The following ADGRL3 variants were observed in gnomAD, a reference collection of about 807,000 sequenced individuals.
ADGRL3 encodes the protein calcium-independent alpha-latrotoxin receptor 3.
Under a neutral mutation model 153.5 loss-of-function variants are expected in ADGRL3, and 62 were observed. That is an observed-to-expected ratio of 0.40 (90% CI 0.33 to 0.50). The LOEUF is 0.50. ADGRL3 is among the 20% of genes least tolerant of loss of function. ADGRL3 has a pLI of 0.47. For synonymous variants in ADGRL3, 710 were observed against 672.5 expected, an observed-to-expected ratio of 1.06 and a Z score of -0.86; for missense variants, 1,641 against 1,859.4, an observed-to-expected ratio of 0.88 and a Z score of 2.16.
chr4:61,394,902 A>G (rs1268911156), intron 2 of ADGRL3, among the ~76,000 whole-genome samples: 2 of 152,074 alleles, frequency 1.3e-5, no homozygotes, highest in Non-Finnish European at 2.9e-5. Context: ...ACTTGGGTAT[A>G]ATGTATGTAT....
intron 21 of ADGRL3, among the ~76,000 whole-genome samples, chr4:62,013,206 G>A (rs897234312): frequency 6.6e-6 from 1 of 152,084 alleles, no homozygotes. Flanking sequence ...AAGTATGATT[G>A]GCCTTCAGAT....
chr4:61,527,983 T>G (rs918924105), intron 4 of ADGRL3, among the ~76,000 whole-genome samples: 9 of 152,100 alleles, frequency 5.9e-5, no homozygotes, highest in African/African-American at 2.2e-4. Flanking sequence ...TTGTTGTCAT[T>G]CTAACCTCCA....
chr4:61,341,027 G>A (rs2095798245), intron 1 of ADGRL3, among the ~76,000 whole-genome samples: 1 of 151,832 alleles, frequency 6.6e-6, no homozygotes, highest in South Asian at 2.1e-4. Flanking sequence ...TATCAGTATT[G>A]TGATAGTCTA....
intron 1 of ADGRL3, among the ~76,000 whole-genome samples, chr4:61,382,242 A>C (rs1040870424): frequency 6.6e-6 from 1 of 151,556 alleles, no homozygotes; most frequent in African/African-American, 2.4e-5. Flanking sequence ...TAATAGCATA[A>C]ATAAATACTA....
chr4:61,497,166 C>CT lies in ADGRL3; in HGVS notation c.-123dup, dbSNP rs2098329142. ...GTGTTTCTGTTTTGGAGAAATTATT[C>CT]TTTTTCTTTTTAATTTGAAGAAAAA... is the stretch of plus-strand genomic sequence containing the variant. On this transcript the variant is annotated 5_prime_UTR_variant, in exon 3 of 27. Coordinates refer to ENST00000683033, the MANE Select transcript of ADGRL3 (RefSeq NM_001387552.1). The CT allele has an allele frequency of 8.8e-6, 5 of 565,528 alleles. No individual in the cohort carries two copies. The highest frequency in any genetic ancestry group is 1.5e-5 in the Non-Finnish European group (5 of 328,876). 35.0% of individuals were successfully genotyped at this position (565,528 alleles called of 1,614,324 possible).
intron 1 of ADGRL3, among the ~76,000 whole-genome samples, chr4:61,318,353 A>G (rs181641172): frequency 6.6e-6 from 1 of 152,208 alleles, no homozygotes; most frequent in African/African-American, 2.4e-5. Context: ...TCAAGATATG[A>G]ATTTTAGCTC....
intron 4 of ADGRL3, among the ~76,000 whole-genome samples, chr4:61,563,033 G>A (rs573043944): frequency 6.6e-6 from 1 of 151,600 alleles, no homozygotes; most frequent in South Asian, 2.1e-4. Context: ...AATCATCAGA[G>A]GATTCACTAT....
intron 2 of ADGRL3, among the ~76,000 whole-genome samples, chr4:61,432,591 T>C (rs1377043186): frequency 2.5e-4 from 3 of 12,114 alleles, no homozygotes; most frequent in South Asian, 9.0e-3. Context: ...TCTTTCTTTC[T>C]TTCTTTCTTT....
chr4:61,572,056 ACT>A (rs2098841235), intron 4 of ADGRL3, among the ~76,000 whole-genome samples: 1 of 152,162 alleles, frequency 6.6e-6, no homozygotes, highest in South Asian at 2.1e-4. Flanking sequence ...TCCCAAATGA[ACT>A]GTTTGTATGT....
At chr4:61,542,641 T>C (rs971247800) in intron 4 of ADGRL3, among the ~76,000 whole-genome samples, 2 of 152,214 alleles carry the variant, frequency 1.3e-5, no homozygotes, top group African/African-American at 4.8e-5. Context: ...AAAGTGTTTA[T>C]AGCAGTTGCT....
chr4:61,393,330 G>T (rs1372582772), intron 2 of ADGRL3, among the ~76,000 whole-genome samples: 1 of 152,032 alleles, frequency 6.6e-6, no homozygotes, highest in East Asian at 1.9e-4. Context: ...AACAGTTTTG[G>T]TGCCTGACAG....
At chr4:61,367,222 C>T (rs900660513) in intron 1 of ADGRL3, among the ~76,000 whole-genome samples, 1 of 151,372 alleles carries the variant, frequency 6.6e-6, no homozygotes, top group Non-Finnish European at 1.5e-5. Flanking sequence ...TTTTTTAAAA[C>T]TGTCGCTTTT....
At chr4:62,022,771 A>G (rs1425300110) in intron 21 of ADGRL3, among the ~76,000 whole-genome samples, 1 of 151,436 alleles carries the variant, frequency 6.6e-6, no homozygotes, top group Non-Finnish European at 1.5e-5. Context: ...CTTTAAGCCC[A>G]TGTTGAGACC....
intron 4 of ADGRL3, among the ~76,000 whole-genome samples, chr4:61,581,806 C>T (rs2098926778): frequency 2.6e-5 from 4 of 152,086 alleles, no homozygotes; most frequent in Admixed American, 2.6e-4. Flanking sequence ...CACTCTCTCC[C>T]TTACCTTACA....
chr4:61,857,790 GC>G (rs2098294912), intron 9 of ADGRL3, among the ~76,000 whole-genome samples: 1 of 151,696 alleles, frequency 6.6e-6, no homozygotes, highest in Non-Finnish European at 1.5e-5. Flanking sequence ...GTGCAGTGGT[GC>G]ATTCATAGTT....
intron 6 of ADGRL3, among the ~76,000 whole-genome samples, chr4:61,708,768 T>A (rs1297009436): frequency 2.0e-5 from 3 of 152,106 alleles, no homozygotes; most frequent in African/African-American, 7.2e-5. Context: ...AAAGGTCTCC[T>A]GTTCCATTCT....
intron 1 of ADGRL3, among the ~76,000 whole-genome samples, chr4:61,253,509 C>T (rs2091659624): frequency 1.3e-5 from 2 of 151,922 alleles, no homozygotes; most frequent in South Asian, 4.1e-4. Context: ...GTCTTTGTAC[C>T]AAAGACTTAC....
chr4:61,642,759 A>T (rs1465705621), intron 5 of ADGRL3, among the ~76,000 whole-genome samples: 13 of 152,110 alleles, frequency 8.5e-5, no homozygotes, highest in East Asian at 7.7e-4. Flanking sequence ...TAGGATTGAC[A>T]TGGCGATGTG....
chr4:61,935,907 T>G lies in ADGRL3; in HGVS notation c.2297-16T>G, dbSNP rs926617773. The G allele has an allele frequency of 4.4e-6, 7 of 1,581,844 alleles. No individual in the cohort carries two copies. In the African/African-American group the frequency reaches 8.1e-5, roughly 18 times the overall value. On this transcript the variant is annotated splice_polypyrimidine_tract_variant and intron_variant, in intron 14 of 26. Coordinates refer to ENST00000683033, the MANE Select transcript of ADGRL3 (RefSeq NM_001387552.1). ...ATGTTTCTCAATGAGCACTGATATC[T>G]CTTTGATATTAACAGAATTGGAAGT...
Sources: allele counts gnomAD v4.1 joint callset (sites outside exome capture counted in the v4.1 genomes callset), GRCh38; gene constraint gnomAD v4.1.1; transcripts MANE v1.5; gene names NCBI Gene and HGNC (gene_info 2026-07-23, HGNC 2026-07-21).